Variants in NALCN observed in about 807,000 individuals in gnomAD.
NALCN encodes sodium leak channel NALCN.
In NALCN, 111 loss-of-function variants were observed where a neutral mutation model predicts 225.3. The observed-to-expected ratio is 0.49, with a 90% CI of 0.42 to 0.58. The LOEUF (loss-of-function observed/expected upper bound fraction) is 0.58. NALCN is among the 20% of genes least tolerant of loss of function. The pLI is 0.00. For synonymous variants in NALCN, 764 were observed against 769.0 expected (o/e 0.99, Z 0.11); for missense variants, 1,378 against 2,202.4 (o/e 0.63, Z 7.49).
chr13:101,263,797 G>A (rs2042509245), intron 10 of NALCN, among the ~76,000 whole-genome samples: 1 of 152,122 alleles, frequency 6.6e-6, no homozygotes. Context: ...TAAGAATTAA[G>A]GTGATAAATA....
intron 11 of NALCN, among the ~76,000 whole-genome samples, chr13:101,240,327 T>A (rs1032861400): frequency 3.9e-5 from 6 of 151,932 alleles, no homozygotes; most frequent in African/African-American, 1.4e-4. Flanking sequence ...ATCCTAAATA[T>A]CCTATCTTTC....
intron 22 of NALCN, among the ~76,000 whole-genome samples, chr13:101,107,198 T>C (rs1486304784): frequency 6.6e-6 from 1 of 152,186 alleles, no homozygotes; most frequent in African/African-American, 2.4e-5. Flanking sequence ...CAAAATAAAA[T>C]ATGGAGTTAA....
At chr13:101,142,927 G>T in intron 17 of NALCN, 153 bp downstream of exon 17, 1 of 1,119,766 alleles carries the variant, frequency 8.9e-7, no homozygotes, top group Admixed American at 2.1e-5. Flanking sequence ...AGTAAAAAAT[G>T]TTAGGTTTCA....
chr13:101,275,809 A>G (rs1282139281), intron 10 of NALCN, among the ~76,000 whole-genome samples: 1 of 152,066 alleles, frequency 6.6e-6, no homozygotes, highest in African/African-American at 2.4e-5. Flanking sequence ...TCTTGTCCCC[A>G]CAGTATGGAC....
intron 35 of NALCN, 57 bp downstream of exon 35, chr13:101,075,816 A>G: frequency 7.0e-7 from 1 of 1,437,934 alleles, no homozygotes; most frequent in Non-Finnish European, 9.5e-7. Flanking sequence ...ATTAATCACC[A>G]TTCTTTCATT....
chr13:101,284,503 A>G (rs1474488036), intron 9 of NALCN, among the ~76,000 whole-genome samples: 3 of 152,192 alleles, frequency 2.0e-5, no homozygotes, highest in African/African-American at 7.2e-5. Flanking sequence ...GAACAGGAGC[A>G]CTGACCTAAT....
intron 39 of NALCN, among the ~76,000 whole-genome samples, chr13:101,067,350 G>C (rs2032504858): frequency 6.6e-6 from 1 of 150,626 alleles, no homozygotes; most frequent in African/African-American, 2.4e-5. Context: ...GGGGGTAGAG[G>C]AGGAGGAGTA....
intron 1 of NALCN, among the ~76,000 whole-genome samples, chr13:101,404,415 G>C (rs1440938226): frequency 1.3e-5 from 2 of 152,200 alleles, no homozygotes; most frequent in Non-Finnish European, 2.9e-5. Flanking sequence ...ATACAGGTTT[G>C]TTGTAGAAAA....
At chr13:101,370,085 A>G (rs577762316) in intron 6 of NALCN, among the ~76,000 whole-genome samples, 2 of 152,316 alleles carry the variant, frequency 1.3e-5, no homozygotes, top group South Asian at 4.1e-4. Flanking sequence ...CATGCCTTCA[A>G]TAAATAGTTA....
chr13:101,092,088 C>G (rs1386020365), intron 28 of NALCN, among the ~76,000 whole-genome samples: 3 of 151,740 alleles, frequency 2.0e-5, no homozygotes, highest in Non-Finnish European at 2.9e-5. Context: ...GTCATTTTTA[C>G]CTGCTACCCT....
At chr13:101,134,301 A>G (rs1440439474) in intron 17 of NALCN, among the ~76,000 whole-genome samples, 1 of 152,270 alleles carries the variant, frequency 6.6e-6, no homozygotes, top group Non-Finnish European at 1.5e-5. Flanking sequence ...ACGTGTGTGC[A>G]TGCCATGCAT....
chr13:101,235,586 A>T (rs1402072784), intron 12 of NALCN, among the ~76,000 whole-genome samples: 1 of 152,254 alleles, frequency 6.6e-6, no homozygotes, highest in Non-Finnish European at 1.5e-5. Flanking sequence ...CACATTTTGT[A>T]TCAAGAGTTT....
At position 101,121,507 on chromosome 13, in the gene NALCN, T is replaced by C. The variant is rs573006240; in HGVS notation, c.2192+3101A>G. 1.1e-4 allele frequency among the ~76,000 whole-genome samples: 17 copies of C among 152,266 alleles called. No homozygotes were observed. The East Asian group carries it at 2.5e-3, about 23-fold the overall frequency. ...CGGAATGATCCAGCTCAGGTCTCTT[T>C]TTCAAGCCTCCCTATACTGCTGTTA... On this transcript the variant is annotated intron_variant, in intron 18 of 43. Transcript: ENST00000251127.
At chr13:101,280,098 T>C (rs1030677212) in intron 10 of NALCN, among the ~76,000 whole-genome samples, 4 of 152,160 alleles carry the variant, frequency 2.6e-5, no homozygotes, top group South Asian at 4.1e-4. Flanking sequence ...TGCTGAGACA[T>C]AGAAATGTAT....
chr13:101,204,507 G>A (rs1418917348), intron 13 of NALCN, among the ~76,000 whole-genome samples: 2 of 152,008 alleles, frequency 1.3e-5, no homozygotes, highest in African/African-American at 4.8e-5. Flanking sequence ...TTTGTAATTG[G>A]CCTTAAATGT....
At chr13:101,181,422 T>G (rs528951068) in intron 14 of NALCN, 11 of 478,250 alleles carry the variant, frequency 2.3e-5, no homozygotes, top group African/African-American at 4.0e-5. Flanking sequence ...GTGTGTGTGT[T>G]TTTGTTTTTA....
chr13:101,131,029 CTT>C (rs1425948845), intron 17 of NALCN, among the ~76,000 whole-genome samples: 2 of 152,020 alleles, frequency 1.3e-5, no homozygotes, highest in African/African-American at 4.8e-5. Flanking sequence ...CTTCATTTCT[CTT>C]TGATTTTAAA....
intron 7 of NALCN, among the ~76,000 whole-genome samples, chr13:101,342,019 T>G (rs2045573753): frequency 6.6e-6 from 1 of 152,228 alleles, no homozygotes; most frequent in South Asian, 2.1e-4. Context: ...GTCTTGCTCT[T>G]GGACTTCCCA....
intron 37 of NALCN, 53 bp from the exon 38 acceptor site, chr13:101,068,880 T>G: frequency 1.3e-6 from 2 of 1,506,190 alleles, no homozygotes; most frequent in Non-Finnish European, 1.8e-6. Flanking sequence ...GAATACAAAT[T>G]TCTTTTAGCT....
Sources: allele counts gnomAD v4.1 joint callset (sites outside exome capture counted in the v4.1 genomes callset), GRCh38; gene constraint gnomAD v4.1.1; transcripts MANE v1.5; gene names NCBI Gene and HGNC (gene_info 2026-07-23, HGNC 2026-07-21).